Variants in STXBP5 observed in about 807,000 individuals in gnomAD.
STXBP5 encodes the protein syntaxin-binding protein 5.
In STXBP5, 50 loss-of-function variants were observed where a neutral mutation model predicts 152.4. The observed-to-expected ratio is 0.33, with a 90% CI of 0.26 to 0.42. STXBP5 has a LOEUF of 0.42. STXBP5 is among the 10% of genes least tolerant of loss of function. The pLI is 1.00. For missense variants in STXBP5, 1,167 were observed against 1,388.6 expected (o/e 0.84, Z 2.54); for synonymous variants, 492 against 494.7 (o/e 0.99, Z 0.07).
chr6:147,306,797 C>T (rs1041928619), intron 9 of STXBP5, among the ~76,000 whole-genome samples: 1 of 152,218 alleles, frequency 6.6e-6, no homozygotes, highest in Non-Finnish European at 1.5e-5. Flanking sequence ...CCCAGCCCAA[C>T]TGCCATCCCT....
chr6:147,226,683 G>GT (rs1777732374), intron 2 of STXBP5, among the ~76,000 whole-genome samples: 1 of 152,124 alleles, frequency 6.6e-6, no homozygotes, highest in Non-Finnish European at 1.5e-5. Context: ...AATTGAAAAG[G>GT]TTTTTTTCCA....
At chr6:147,273,900 C>T (rs937209921) in intron 7 of STXBP5, among the ~76,000 whole-genome samples, 6 of 149,696 alleles carry the variant, frequency 4.0e-5, no homozygotes, top group Non-Finnish European at 5.9e-5. Context: ...TGCAGTGAGA[C>T]GAGATGGCGC....
chr6:147,300,471 C>G (rs1781750880), intron 9 of STXBP5, among the ~76,000 whole-genome samples: 1 of 151,940 alleles, frequency 6.6e-6, no homozygotes, highest in Admixed American at 6.6e-5. Flanking sequence ...ATGCATAGAC[C>G]AATGGTGTGG....
chr6:147,272,269 T>C (rs541991296), intron 7 of STXBP5, among the ~76,000 whole-genome samples: 1 of 152,262 alleles, frequency 6.6e-6, no homozygotes, highest in South Asian at 2.1e-4. Context: ...GCATTACCCT[T>C]TAACAAAACT....
At chr6:147,327,408 C>T (rs1582949937) in intron 18 of STXBP5, 132 bp downstream of exon 18, 1 of 1,089,810 alleles carries the variant, frequency 9.2e-7, no homozygotes, top group African/African-American at 1.6e-5. Flanking sequence ...CTGCCAAAAA[C>T]TAGCAAAAGT....
chr6:147,324,975 C>A lies in STXBP5; in HGVS notation c.1819C>A (p.Leu607Ile). ...TTATTTTAGAGTTAAAAACTCACCA[C>A]TTAAACAGTCTCCAGGTTATCAAAC... Reference protein sequence around the residue: ...VPCLKVKNSPLKQSPGYQTEL... With the variant: ...VPCLKVKNSPIKQSPGYQTEL... The change falls in exon 17 of 28, where the codon CTT (leucine) becomes ATT (isoleucine). Residue 607 changes from leucine to isoleucine, a missense_variant. Physicochemically the swap from Leu to Ile is conservative, Grantham distance 5. Coordinates refer to ENST00000321680, the MANE Select transcript of STXBP5 (RefSeq NM_001127715.4). 1 of 1,565,174 alleles carries A rather than the reference C, an allele frequency of 6.4e-7. No homozygotes were observed. The highest frequency in any genetic ancestry group is 1.2e-5 in the South Asian group (1 of 82,978).
chr6:147,315,438 A>AGTATGAGTGATTAAATG, intron 14 of STXBP5, 77 bp from the exon 15 acceptor site: 2 of 959,648 alleles, frequency 2.1e-6, no homozygotes, highest in Non-Finnish European at 1.6e-6. Flanking sequence ...TTCTATACAT[A>AGTATGAGTGATTAAATG]GTATGAGTGA....
At chr6:147,377,582 T>G (rs1351405526) in intron 26 of STXBP5, among the ~76,000 whole-genome samples, 1 of 152,104 alleles carries the variant, frequency 6.6e-6, no homozygotes, top group African/African-American at 2.4e-5. Context: ...CCAGCAGGAT[T>G]GAGTTGTTTG....
chr6:147,269,831 A>G (rs1055279883), intron 7 of STXBP5, among the ~76,000 whole-genome samples: 1 of 152,198 alleles, frequency 6.6e-6, no homozygotes, highest in Non-Finnish European at 1.5e-5. Context: ...GAACTGTGGT[A>G]CGACTTCAAG....
At chr6:147,231,362 A>G (rs1265282196) in intron 2 of STXBP5, among the ~76,000 whole-genome samples, 1 of 151,846 alleles carries the variant, frequency 6.6e-6, no homozygotes, top group Non-Finnish European at 1.5e-5. Context: ...CTGGACATGG[A>G]CCATGAGTCT....
At chr6:147,377,743 A>G (rs1785879131) in intron 26 of STXBP5, among the ~76,000 whole-genome samples, 1 of 152,108 alleles carries the variant, frequency 6.6e-6, no homozygotes, top group Non-Finnish European at 1.5e-5. Flanking sequence ...CCCACTTCTG[A>G]CATTACATTA....
intron 4 of STXBP5, among the ~76,000 whole-genome samples, chr6:147,253,056 C>T (rs62435617): frequency 0.21 from 32,351 of 152,068 alleles, 4,162 homozygotes; most frequent in Admixed American, 0.33. Context: ...ATGCAGAAAT[C>T]CTCAATAAAA....
chr6:147,314,763 A>G (rs1782559256), intron 14 of STXBP5, 127 bp downstream of exon 14: 1 of 617,750 alleles, frequency 1.6e-6, no homozygotes, highest in Non-Finnish European at 2.5e-6. Flanking sequence ...TTAATGCTTG[A>G]TTTATTAAAT....
intron 9 of STXBP5, among the ~76,000 whole-genome samples, chr6:147,299,917 C>T (rs1781721047): frequency 6.6e-6 from 1 of 151,864 alleles, no homozygotes; most frequent in Non-Finnish European, 1.5e-5. Context: ...TATAGAAAAT[C>T]CTAAAGACTC....
rs9497731 is a variant in STXBP5 at position 147,252,508 on chromosome 6, T to C, written c.432-8107T>C. The stretch of plus-strand genomic sequence containing the variant: ...ATTGAAGATCAACTTAAATAAAGCA[T>C]GACGACAAGATTAGAGAAAAAAGAA... On this transcript the variant is annotated intron_variant, in intron 4 of 27. Coordinates refer to ENST00000321680, the MANE Select transcript of STXBP5 (RefSeq NM_001127715.4). Among the ~76,000 whole-genome samples, 1,050 of 151,866 alleles carry C rather than the reference T, an allele frequency of 6.9e-3. 13 individuals carry two copies. The highest frequency in any genetic ancestry group is 0.023 in the African/African-American group (961 of 41,426).
At chr6:147,341,437 T>C (rs1043373911) in intron 21 of STXBP5, among the ~76,000 whole-genome samples, 4 of 152,156 alleles carry the variant, frequency 2.6e-5, no homozygotes, top group African/African-American at 9.7e-5. Context: ...CTATGAAGTA[T>C]CCTGAACCTC....
chr6:147,331,365 T>C (rs1432266041), intron 18 of STXBP5, among the ~76,000 whole-genome samples: 1 of 152,238 alleles, frequency 6.6e-6, no homozygotes, highest in African/African-American at 2.4e-5. Context: ...TAAAGATTGA[T>C]TGTTTACATA....
intron 21 of STXBP5, 79 bp downstream of exon 21, chr6:147,339,463 A>G (rs1053770108): frequency 9.1e-7 from 1 of 1,100,984 alleles, no homozygotes; most frequent in Non-Finnish European, 1.2e-6. Context: ...TATCCAGTGC[A>G]TTGCATTTTT....
intron 2 of STXBP5, among the ~76,000 whole-genome samples, chr6:147,212,060 A>G (rs1395961361): frequency 1.3e-5 from 2 of 152,218 alleles, no homozygotes; most frequent in Non-Finnish European, 2.9e-5. Flanking sequence ...CATAAAAGGA[A>G]GAATAAGTGC....
Sources: gnomAD v4.1 joint callset for allele counts (sites outside exome capture counted in the v4.1 genomes callset) on GRCh38, gnomAD v4.1.1 for gene constraint, MANE v1.5 for transcripts, NCBI Gene and HGNC (gene_info 2026-07-23, HGNC 2026-07-21) for gene names.